LRRTM4: variants seen among roughly 807,000 people sequenced by gnomAD.
LRRTM4 encodes the protein leucine rich repeat transmembrane neuronal 4.
Under a neutral mutation model 47.6 loss-of-function variants are expected in LRRTM4, and 25 were observed. That is an observed-to-expected ratio of 0.53 (90% CI 0.38 to 0.73). The LOEUF is 0.73. Ranked by LOEUF, LRRTM4 falls within the 30% of genes least tolerant of loss-of-function variation. The pLI is 0.00. For missense variants in LRRTM4, 638 were observed against 713.4 expected (o/e 0.89, Z 1.20); for synonymous variants, 311 against 269.5 (o/e 1.15, Z -1.51).
intron 3 of LRRTM4, among the ~76,000 whole-genome samples, chr2:77,047,191 G>A (rs1031284380): frequency 1.3e-4 from 20 of 151,976 alleles, no homozygotes; most frequent in African/African-American, 4.6e-4. Context: ...TTTAAATAAG[G>A]TGATTGCATT....
intron 3 of LRRTM4, among the ~76,000 whole-genome samples, chr2:76,991,070 G>A (rs1207457896): frequency 2.0e-5 from 3 of 151,612 alleles, no homozygotes; most frequent in Non-Finnish European, 4.4e-5. Flanking sequence ...GAAAATTAAG[G>A]CAGAAAGAAA....
At chr2:76,773,559 A>C (rs1177680756) in intron 3 of LRRTM4, among the ~76,000 whole-genome samples, 1 of 152,114 alleles carries the variant, frequency 6.6e-6, no homozygotes, top group Non-Finnish European at 1.5e-5. Flanking sequence ...TAGAAGTTGA[A>C]TTTAAAGAAA....
intron 3 of LRRTM4, among the ~76,000 whole-genome samples, chr2:76,956,891 A>G (rs1675692935): frequency 6.6e-6 from 1 of 151,514 alleles, no homozygotes; most frequent in African/African-American, 2.4e-5. Context: ...CTGAATTACA[A>G]AGAAAATTCT....
intron 3 of LRRTM4, among the ~76,000 whole-genome samples, chr2:77,462,688 AATG>A (rs1676835129): frequency 6.6e-6 from 1 of 152,240 alleles, no homozygotes; most frequent in East Asian, 1.9e-4. Context: ...TGGATTCACA[AATG>A]ATGAAATACT....
Position 77,519,732 on chromosome 2 carries a change from T to C in LRRTM4, c.137A>G (p.Tyr46Cys), listed in dbSNP as rs1679404670. The change falls in exon 3 of 4, where the codon TAC becomes TGC. Residue 46 changes from tyrosine to cysteine, a missense_variant. Tyr to Cys is a radical substitution (Grantham distance 194, BLOSUM62 -2). Transcript: ENST00000409884. The surrounding 1 kb of genome is among the most constrained non-coding windows in gnomAD (Gnocchi z 4.6). ...ATCTGCGAAAGCATGAGACTCACAG[T>C]ACACAATTTTGCCATCACATCTGCA... is the stretch of plus-strand genomic sequence containing the variant. ...KNCRCDGKIV[Y>C]CESHAFADIP... The C allele has an allele frequency of 6.2e-7, 1 of 1,613,406 alleles. No homozygotes were observed. The highest frequency in any genetic ancestry group is 1.3e-5 in the African/African-American group (1 of 74,996).
chr2:76,755,536 A>C (rs1486350507), intron 3 of LRRTM4, among the ~76,000 whole-genome samples: 1 of 152,174 alleles, frequency 6.6e-6, no homozygotes, highest in East Asian at 1.9e-4. Flanking sequence ...CAATATACTA[A>C]ACAAAAAATG....
At chr2:77,512,917 TCA>T (rs1479801922) in intron 3 of LRRTM4, among the ~76,000 whole-genome samples, 1 of 152,150 alleles carries the variant, frequency 6.6e-6, no homozygotes, top group Non-Finnish European at 1.5e-5. Flanking sequence ...CCATTTATTG[TCA>T]GTTTAAAATC....
At chr2:76,951,412 C>G (rs1198519151) in intron 3 of LRRTM4, among the ~76,000 whole-genome samples, 1 of 151,934 alleles carries the variant, frequency 6.6e-6, no homozygotes, top group Admixed American at 6.6e-5. Flanking sequence ...TACCGTTAAC[C>G]TAGAGTTTCA....
chr2:77,064,582 T>C (rs1315159107), intron 3 of LRRTM4, among the ~76,000 whole-genome samples: 3 of 152,186 alleles, frequency 2.0e-5, no homozygotes, highest in Non-Finnish European at 4.4e-5. Flanking sequence ...TAGAGAAGTA[T>C]GTGCATATCT....
At position 77,360,501 on chromosome 2, in the gene LRRTM4, CG is replaced by C. The variant is rs1672156990; in HGVS notation, c.1551+157816del. ...TGATACGATACGATACGATACGATA[CG>C]ATACGATACGATACGATACGATACG... On this transcript the variant is annotated intron_variant, in intron 3 of 3. Coordinates refer to ENST00000409884, the MANE Select transcript of LRRTM4 (RefSeq NM_001134745.3). Among the ~76,000 whole-genome samples the C allele has an allele frequency of 2.7e-5, 4 of 149,062 alleles. No homozygotes were observed. In the South Asian group the frequency reaches 6.4e-4, roughly 24 times the overall value.
intron 3 of LRRTM4, among the ~76,000 whole-genome samples, chr2:77,157,850 T>C (rs1226250819): frequency 1.3e-5 from 2 of 152,130 alleles, no homozygotes; most frequent in African/African-American, 2.4e-5. Context: ...ACATGAGCTA[T>C]ATTATGAGCA....
intron 3 of LRRTM4, among the ~76,000 whole-genome samples, chr2:76,850,690 T>C (rs893246454): frequency 3.1e-4 from 47 of 152,328 alleles, no homozygotes; most frequent in South Asian, 2.1e-4. Context: ...GAAGCGACTA[T>C]GTCACCATGC....
At chr2:76,842,474 C>T in intron 3 of LRRTM4, among the ~76,000 whole-genome samples, 1 of 152,070 alleles carries the variant, frequency 6.6e-6, no homozygotes, top group East Asian at 1.9e-4. Context: ...TACCATAAGT[C>T]GAAAATGCAT....
intron 3 of LRRTM4, among the ~76,000 whole-genome samples, chr2:77,362,191 T>G (rs1327398633): frequency 7.9e-6 from 1 of 126,268 alleles, no homozygotes; most frequent in Non-Finnish European, 1.6e-5. Context: ...GGAAGAGTTC[T>G]TAATGTCCTG....
chr2:77,070,851 G>T (rs573829001), intron 3 of LRRTM4, among the ~76,000 whole-genome samples: 1 of 152,060 alleles, frequency 6.6e-6, no homozygotes, highest in Non-Finnish European at 1.5e-5. Context: ...GGCTGGTCTC[G>T]AACTCCTGAC....
At chr2:77,457,892 C>CCA (rs1676622795) in intron 3 of LRRTM4, among the ~76,000 whole-genome samples, 1 of 152,134 alleles carries the variant, frequency 6.6e-6, no homozygotes, top group Non-Finnish European at 1.5e-5. Flanking sequence ...TCCTGGATCA[C>CCA]CCTGCACTGC....
chr2:77,369,702 T>C (rs977865345), intron 3 of LRRTM4, among the ~76,000 whole-genome samples: 2 of 151,768 alleles, frequency 1.3e-5, no homozygotes, highest in African/African-American at 4.8e-5. Context: ...TCATAGATTG[T>C]ATTTTCACAA....
chr2:77,222,576 C>T (rs934332989), intron 3 of LRRTM4, among the ~76,000 whole-genome samples: 2 of 152,188 alleles, frequency 1.3e-5, no homozygotes, highest in Non-Finnish European at 2.9e-5. Flanking sequence ...ATACTCTAAA[C>T]ACCTCTACAG....
At chr2:76,985,467 C>T (rs1387072924) in intron 3 of LRRTM4, among the ~76,000 whole-genome samples, 1 of 151,944 alleles carries the variant, frequency 6.6e-6, no homozygotes, top group African/African-American at 2.4e-5. Context: ...TAGGATGTCC[C>T]TTCCAGAGAC....
Sources: gnomAD v4.1 joint callset for allele counts (sites outside exome capture counted in the v4.1 genomes callset) on GRCh38, gnomAD v4.1.1 for gene constraint, Gnocchi (gnomAD v3.1) non-coding constraint, MANE v1.5 for transcripts, NCBI Gene and HGNC (gene_info 2026-07-23, HGNC 2026-07-21) for gene names.